H3-3B: variants seen among roughly 807,000 people sequenced by gnomAD.
H3-3B encodes histone H3.3.
In H3-3B, 2 loss-of-function variants were observed where a neutral mutation model predicts 13.1. The ratio of observed to expected loss-of-function variants is 0.15; its 90% CI spans 0.06 to 0.48. The LOEUF is 0.48. Ranked by LOEUF, H3-3B falls within the 20% of genes least tolerant of loss-of-function variation. The pLI is 0.97. For missense variants in H3-3B, 39 were observed against 186.0 expected, an observed-to-expected ratio of 0.21 and a Z score of 4.60; for synonymous variants, 133 against 75.8, an observed-to-expected ratio of 1.76 and a Z score of -3.92.
At position 75,776,913 on chromosome 17, in the gene H3-3B, T is replaced by C. The variant is rs2061640252; in HGVS notation, c.*1682A>G. On this transcript the variant is annotated 3_prime_UTR_variant, in exon 4 of 4. Transcript: ENST00000254810. ...CTTTCTAGAAAAGCGGGTCATTATA[T>C]TGCATCCTTTCATAGGAGCTCATTA... is the stretch of plus-strand genomic sequence containing the variant. 2 of 152,222 alleles carry C rather than the reference T, an allele frequency of 1.3e-5. No homozygotes were observed. The highest frequency in any genetic ancestry group is 2.4e-5 in the African/African-American group (1 of 41,462). 9.4% of individuals were successfully genotyped at this position (152,222 alleles called of 1,614,324 possible). A position where few individuals can be genotyped will look rare whatever the true frequency, so the allele number is the denominator to read the frequency against.
At chr17:75,779,468 T>A in intron 1 of H3-3B, 189 bp downstream of exon 1, 1 of 259,810 alleles carries the variant, frequency 3.8e-6, no homozygotes. Flanking sequence ...TCGGGACCTC[T>A]GAATCACCGC....
chr17:75,779,306 G>C (rs894226048), intron 1 of H3-3B, 122 bp from the exon 2 acceptor site: 1 of 1,144,964 alleles, frequency 8.7e-7, no homozygotes, highest in Non-Finnish European at 1.1e-6. Flanking sequence ...GCCCCACCTC[G>C]CGGCAGCAGA....
Position 75,778,909 on chromosome 17 carries a change from C to G in H3-3B, c.183G>C (p.Leu61=). ...EIRRYQKSTE[L]LIRKLPFQRL... is the part of the protein sequence containing the mutation. ...TCTGGAAGGGCAGCTTCCGGATGAG[C>G]AGCTCGGTCGACTTCTGATAACGAC... Residue 61 remains leucine, a synonymous_variant, in exon 3 of 4, where the codon CTG becomes CTC. Coordinates refer to ENST00000254810, the MANE Select transcript of H3-3B (RefSeq NM_005324.5). 6.2e-7 allele frequency: 1 copy of G among 1,614,184 alleles called. No homozygotes were observed. The highest frequency in any genetic ancestry group is 8.5e-7 in the Non-Finnish European group (1 of 1,180,026).
chr17:75,777,666 T>C lies in H3-3B; in HGVS notation c.*929A>G, dbSNP rs1334773297. The C allele has an allele frequency of 1.3e-5, 2 of 152,424 alleles. No individual in the cohort carries two copies. The highest frequency in any genetic ancestry group is 4.8e-5 in the African/African-American group (2 of 41,446). 9.4% of individuals were successfully genotyped at this position (152,424 alleles called of 1,614,324 possible). ...GCTCCTCCCCCACACCAAGTTTTTA[T>C]AATACAAATGCCACAAGAAAAAGAA... On this transcript the variant is annotated 3_prime_UTR_variant, in exon 4 of 4. Coordinates refer to ENST00000254810, the MANE Select transcript of H3-3B (RefSeq NM_005324.5).
At chr17:75,779,310 C>G in intron 1 of H3-3B, 126 bp from the exon 2 acceptor site, 1 of 1,094,790 alleles carries the variant, frequency 9.1e-7, no homozygotes, top group Non-Finnish European at 1.2e-6. Flanking sequence ...CACCTCGCGG[C>G]AGCAGATGGC....
At chr17:75,779,492 G>A (rs566716518) in intron 1 of H3-3B, 165 bp downstream of exon 1, 37 of 221,984 alleles carry the variant, frequency 1.7e-4, no homozygotes, top group South Asian at 1.6e-4. Flanking sequence ...GAAAAGGCGG[G>A]GACACAGTTC....
chr17:75,777,601 C>T lies in H3-3B; in HGVS notation c.*994G>A, dbSNP rs2061644716. The T allele has an allele frequency of 6.6e-6, 1 of 152,526 alleles. No homozygotes were observed. The highest frequency in any genetic ancestry group is 1.5e-5 in the Non-Finnish European group (1 of 68,036). 9.4% of individuals were successfully genotyped at this position (152,526 alleles called of 1,614,324 possible). ...TAACCAGATGTAACCTAACCCAACA[C>T]CATCTTAATTGGCAGAGGTTCAGTG... On this transcript the variant is annotated 3_prime_UTR_variant, in exon 4 of 4. Coordinates refer to ENST00000254810, the MANE Select transcript of H3-3B (RefSeq NM_005324.5).
Position 75,778,569 on chromosome 17 carries a change from C to T in H3-3B, c.*26G>A, listed in dbSNP as rs2061650577. 1.2e-6 allele frequency: 2 copies of T among 1,600,646 alleles called. No homozygotes were observed. Among genetic ancestry groups the T allele is most frequent in the African/African-American group, 1.3e-5 (1 of 74,396 alleles). On this transcript the variant is annotated 3_prime_UTR_variant, in exon 4 of 4. Coordinates refer to ENST00000254810, the MANE Select transcript of H3-3B (RefSeq NM_005324.5). ...CCAAAGTATTTTACAGAATTTACTA[C>T]AAAACGCCATAAAAACTGCCTTCAC...
In H3-3B at chr17:75,777,032, A is replaced by T. The variant is rs1446265983; in HGVS notation, c.*1563T>A. ...TGAGAAAGCAATTTTAATGGGGTAT[A>T]ACTTTAAGCAGTTGCTAACTTCAAA... is the stretch of plus-strand genomic sequence containing the variant. On this transcript the variant is annotated 3_prime_UTR_variant, in exon 4 of 4. Coordinates refer to ENST00000254810, the MANE Select transcript of H3-3B (RefSeq NM_005324.5). 6.6e-6 allele frequency: 1 copy of T among 152,206 alleles called. No individual in the cohort carries two copies. Among genetic ancestry groups the T allele is most frequent in the Non-Finnish European group, 1.5e-5 (1 of 68,034 alleles). The allele number at this position is 152,206 out of a possible 1,614,324, so 9.4% of individuals were successfully genotyped here.
Position 75,778,619 on chromosome 17 carries a change from G to A in H3-3B, c.387C>T (p.Arg129=), listed in dbSNP as rs1216000720. 1 of 1,613,960 alleles carries A rather than the reference G, an allele frequency of 6.2e-7. No individual in the cohort carries two copies. The highest frequency in any genetic ancestry group is 8.5e-7 in the Non-Finnish European group (1 of 1,179,952). The change falls in exon 4 of 4, where the codon CGC becomes CGT. Residue 129 remains arginine (R), a synonymous_variant. Transcript: ENST00000254810. ...TIMPKDIQLA[R]RIRGERA is the part of the protein sequence containing the mutation. ...CTTAAGCTCTCTCTCCCCGTATCCG[G>A]CGAGCCAACTGGATGTCTTTGGGCA...
Position 75,777,131 on chromosome 17 carries a change from C to T in H3-3B, c.*1464G>A, listed in dbSNP as rs949562814. ...CCACGTACTATGCTTTAGTGGCCAT[C>T]ATCGCACAAGGAAACTGGTTTCATA... On this transcript the variant is annotated 3_prime_UTR_variant, in exon 4 of 4. Coordinates refer to ENST00000254810, the MANE Select transcript of H3-3B (RefSeq NM_005324.5). 3 of 152,162 alleles carry T rather than the reference C, an allele frequency of 2.0e-5. No individual in the cohort carries two copies. The highest frequency in any genetic ancestry group is 7.2e-5 in the African/African-American group (3 of 41,440). 9.4% of individuals were successfully genotyped at this position (152,162 alleles called of 1,614,324 possible).
In H3-3B at chr17:75,776,538, C is replaced by T. The variant is rs1159677093; in HGVS notation, c.*2057G>A. On this transcript the variant is annotated 3_prime_UTR_variant, in exon 4 of 4. Transcript: ENST00000254810. The stretch of plus-strand genomic sequence containing the variant: ...CTTTGCCTCTGCTCCTTTACCCTTA[C>T]CGAGGGATATCCCATACAGGAAGCC... The T allele has an allele frequency of 6.6e-6, 1 of 152,218 alleles. No homozygotes were observed. The highest frequency in any genetic ancestry group is 1.5e-5 in the Non-Finnish European group (1 of 68,044). 9.4% of individuals were successfully genotyped at this position (152,218 alleles called of 1,614,324 possible).
In H3-3B at chr17:75,776,715, C is replaced by A. The variant is rs1354799519; in HGVS notation, c.*1880G>T. The A allele has an allele frequency of 1.3e-5, 2 of 152,268 alleles. No homozygotes were observed. The highest frequency in any genetic ancestry group is 4.8e-5 in the African/African-American group (2 of 41,472). 9.4% of individuals were successfully genotyped at this position (152,268 alleles called of 1,614,324 possible). On this transcript the variant is annotated 3_prime_UTR_variant, in exon 4 of 4. Coordinates refer to ENST00000254810, the MANE Select transcript of H3-3B (RefSeq NM_005324.5). ...CAGACTGGAGAAGGTTCACTAGTGT[C>A]ACCCACTTGGGTTGTCACAGGTAGT...
chr17:75,779,328 C>T (rs910805928), intron 1 of H3-3B, 144 bp from the exon 2 acceptor site: 2 of 831,688 alleles, frequency 2.4e-6, no homozygotes, highest in Non-Finnish European at 3.3e-6. Flanking sequence ...GGCCGAGGGC[C>T]GCCAACCTCC....
chr17:75,779,091 T>C lies in H3-3B; in HGVS notation c.84A>G (p.Lys28=). 6.2e-7 allele frequency: 1 copy of C among 1,606,672 alleles called. No individual in the cohort carries two copies. Among genetic ancestry groups the C allele is most frequent in the Non-Finnish European group, 8.5e-7 (1 of 1,177,304 alleles). Residue 28 remains lysine (K), a synonymous_variant, in exon 2 of 4, where the codon AAA becomes AAG. Transcript: ENST00000254810. Reference sequence around the variant, plus strand: ...TCACCCCGCCGGTAGAGGGAGCGCTTTTCCTGGCGGCTTTCGTGGCCAGCT... The same window carrying C: ...TCACCCCGCCGGTAGAGGGAGCGCTCTTCCTGGCGGCTTTCGTGGCCAGCT... The part of the protein sequence containing the change: ...RKQLATKAAR[K]SAPSTGGVKK...
chr17:75,777,370 GATCTAAGTTCAAAACATTA>G lies in H3-3B; in HGVS notation c.*1206_*1224del, dbSNP rs1234886365. On this transcript the variant is annotated 3_prime_UTR_variant, in exon 4 of 4. Coordinates refer to ENST00000254810, the MANE Select transcript of H3-3B (RefSeq NM_005324.5). Reference sequence around the variant, plus strand: ...TTATCCACCAAACAACACCTGAAATGATCTAAGTTCAAAACATTAGTATACAAGGACCTAGATAATGGGA... The same window carrying G: ...TTATCCACCAAACAACACCTGAAATGGTATACAAGGACCTAGATAATGGGA... The G allele has an allele frequency of 6.6e-6, 1 of 152,566 alleles. No homozygotes were observed. The highest frequency in any genetic ancestry group is 1.5e-5 in the Non-Finnish European group (1 of 68,010). The allele number at this position is 152,566 out of a possible 1,614,324, so 9.5% of individuals were successfully genotyped here. A position where few individuals can be genotyped will look rare whatever the true frequency, so the allele number is the denominator to read the frequency against.
rs2061646396 is a variant in H3-3B at position 75,777,864 on chromosome 17, T to C, written c.*731A>G. Reference sequence around the variant, plus strand: ...TAAATAAAATCCCCCAGTTAGTGTTTGCATTATCAGCTAGAGGGTTAACAT... The same window carrying C: ...TAAATAAAATCCCCCAGTTAGTGTTCGCATTATCAGCTAGAGGGTTAACAT... On this transcript the variant is annotated 3_prime_UTR_variant, in exon 4 of 4. Transcript: ENST00000254810. 6.6e-6 allele frequency: 1 copy of C among 152,620 alleles called. No homozygotes were observed. Among genetic ancestry groups the C allele is most frequent in the South Asian group, 2.1e-4 (1 of 4,832 alleles). 9.5% of individuals were successfully genotyped at this position (152,620 alleles called of 1,614,324 possible). A position where few individuals can be genotyped will look rare whatever the true frequency, so the allele number is the denominator to read the frequency against.
rs2061640658 is a variant in H3-3B, at chr17:75,776,958, T to TA, written c.*1636dup. 1 of 152,248 alleles carries TA rather than the reference T, an allele frequency of 6.6e-6. No individual in the cohort carries two copies. The allele number at this position is 152,248 out of a possible 1,614,324, so 9.4% of individuals were successfully genotyped here. On this transcript the variant is annotated 3_prime_UTR_variant, in exon 4 of 4. Transcript: ENST00000254810. ...TCATTATCACGACCTGAAAGATACC[T>TA]ACTTTACCTTCCCTCCAAAATATCA...
Position 75,776,532 on chromosome 17 carries a change from C to T in H3-3B, c.*2063G>A, listed in dbSNP as rs1395473721. ...TTTCTCCTTTGCCTCTGCTCCTTTA[C>T]CCTTACCGAGGGATATCCCATACAG... On this transcript the variant is annotated 3_prime_UTR_variant, in exon 4 of 4. Coordinates refer to ENST00000254810, the MANE Select transcript of H3-3B (RefSeq NM_005324.5). 2 of 152,212 alleles carry T rather than the reference C, an allele frequency of 1.3e-5. No homozygotes were observed. The highest frequency in any genetic ancestry group is 3.8e-4 in the East Asian group (2 of 5,206). The allele number at this position is 152,212 out of a possible 1,614,324, so 9.4% of individuals were successfully genotyped here. A position where few individuals can be genotyped will look rare whatever the true frequency, so the allele number is the denominator to read the frequency against.
Sources: allele counts gnomAD v4.1 joint callset, GRCh38; gene constraint gnomAD v4.1.1; transcripts MANE v1.5; gene names NCBI Gene and HGNC (gene_info 2026-07-23, HGNC 2026-07-21).